SAG: variants seen among roughly 807,000 people sequenced by gnomAD.
The protein encoded by SAG is S-arrestin.
A neutral mutation model predicts 55.0 loss-of-function variants in SAG; 45 were observed. That is an observed-to-expected ratio of 0.82 (90% CI 0.64 to 1.05). SAG has a LOEUF of 1.05. SAG is among the 50% of genes least tolerant of loss of function. SAG has a pLI of 0.00. For synonymous variants in SAG, 189 were observed against 197.4 expected (o/e 0.96, Z 0.36); for missense variants, 455 against 512.1 (o/e 0.89, Z 1.08).
chr2:233,343,728 A>G, intron 14 of SAG: 1 of 1,204,436 alleles, frequency 8.3e-7, no homozygotes, highest in Non-Finnish European at 1.0e-6. Flanking sequence ...AGAAAAACAG[A>G]TCTGTCTAAA....
In SAG at chr2:233,335,050, C is replaced by T. The variant is rs756785453; in HGVS notation, c.895C>T (p.Leu299=). 6.2e-6 allele frequency: 10 copies of T among 1,613,816 alleles called. No homozygotes were observed. The Admixed American group carries it at 1.2e-4, about 19-fold the overall frequency. ...CAATCGAGAAAGGAGAGGCATTGCCCTGGATGGGAAAATCAAGCACGAGGA... is the reference window on the plus strand; with the variant it reads ...CAATCGAGAAAGGAGAGGCATTGCCTTGGATGGGAAAATCAAGCACGAGGA... ...ANNRERRGIA[L]DGKIKHEDTN... Residue 299 remains leucine, a synonymous_variant, in exon 11 of 16, where the codon CTG becomes TTG. Transcript: ENST00000409110.
At chr2:233,334,747 T>A (rs1700868860) in intron 10 of SAG, 2 of 563,328 alleles carry the variant, frequency 3.6e-6, no homozygotes, top group East Asian at 2.9e-5. Flanking sequence ...CTGAGTTGCT[T>A]GAAGAAATAT....
At chr2:233,308,755 C>T (rs1043973716) in intron 1 of SAG, among the ~76,000 whole-genome samples, 1 of 152,074 alleles carries the variant, frequency 6.6e-6, no homozygotes, top group African/African-American at 2.4e-5. Flanking sequence ...ACAGTCTTTG[C>T]GAAGTGGTTA....
intron 5 of SAG, among the ~76,000 whole-genome samples, chr2:233,322,462 A>G (rs752922642): frequency 3.5e-4 from 53 of 152,190 alleles, no homozygotes; most frequent in Non-Finnish European, 6.5e-4. Flanking sequence ...ACAGAACGTG[A>G]TCATCACTTT....
intron 3 of SAG, 78 bp downstream of exon 3, chr2:233,316,213 C>T (rs1700214178): frequency 1.2e-6 from 1 of 820,056 alleles, no homozygotes; most frequent in East Asian, 2.8e-5. Context: ...TTTTTAAAAA[C>T]TGGCCTTGCT....
Position 233,317,387 on chromosome 2 carries a change from G to A in SAG, c.136+1252G>A, listed in dbSNP as rs566268249. ...ATATTGTACTGTAATTATGGCAGATGGAACCATTGGGAGAAACTGGATGAA... is the reference window on the plus strand; with the variant it reads ...ATATTGTACTGTAATTATGGCAGATAGAACCATTGGGAGAAACTGGATGAA... On this transcript the variant is annotated intron_variant, in intron 3 of 15. Transcript: ENST00000409110. Among the ~76,000 whole-genome samples the A allele has an allele frequency of 4.6e-5, 7 of 152,340 alleles. No homozygotes were observed. The South Asian group carries it at 1.4e-3, about 32-fold the overall frequency.
rs138382088 is a variant in SAG, at chr2:233,328,131, A to G, written c.513-347A>G. On this transcript the variant is annotated intron_variant, in intron 7 of 15. Coordinates refer to ENST00000409110, the MANE Select transcript of SAG (RefSeq NM_000541.5). ...AGCTGCAGTAATGGAGCTCGCATGT[A>G]TATGGCAGCTATTCCATGAGGCCCT... 1.9e-3 allele frequency: 406 copies of G among 217,160 alleles called. 1 individual carries two copies. The highest frequency in any genetic ancestry group is 8.0e-3 in the Middle Eastern group (5 of 628). 13.5% of individuals were successfully genotyped at this position (217,160 alleles called of 1,614,324 possible). A position where few individuals can be genotyped will look rare whatever the true frequency, so the allele number is the denominator to read the frequency against.
chr2:233,339,210 A>G (rs538992696), intron 12 of SAG, among the ~76,000 whole-genome samples: 1 of 152,360 alleles, frequency 6.6e-6, no homozygotes, highest in South Asian at 2.1e-4. Context: ...TCTTCTTTTC[A>G]TACAAGAGTG....
chr2:233,318,724 C>T, intron 3 of SAG, 27 bp from the exon 4 acceptor site: 2 of 1,608,996 alleles, frequency 1.2e-6, no homozygotes, highest in Non-Finnish European at 1.7e-6. Flanking sequence ...TCTCCACCCT[C>T]ACTGCTCTCT....
intron 5 of SAG, among the ~76,000 whole-genome samples, chr2:233,322,229 T>C (rs1295112257): frequency 1.3e-5 from 2 of 150,966 alleles, no homozygotes; most frequent in African/African-American, 4.9e-5. Flanking sequence ...TTTCTAGCAG[T>C]TCAGCTTATG....
intron 2 of SAG, among the ~76,000 whole-genome samples, chr2:233,312,714 G>A (rs542312311): frequency 6.6e-6 from 1 of 152,226 alleles, no homozygotes; most frequent in East Asian, 1.9e-4. Flanking sequence ...TCGGGGCCCC[G>A]GGCTTCGTAT....
At chr2:233,313,525 T>TG (rs1351078969) in intron 2 of SAG, among the ~76,000 whole-genome samples, 1 of 151,748 alleles carries the variant, frequency 6.6e-6, no homozygotes, top group Non-Finnish European at 1.5e-5. Context: ...ATTTTTTTTT[T>TG]TTTGAGACAG....
intron 14 of SAG, chr2:233,342,704 G>T: frequency 5.1e-6 from 1 of 197,808 alleles, no homozygotes; most frequent in South Asian, 1.0e-4. Context: ...CATTTCATTT[G>T]GAAACAAAAG....
Position 233,319,440 on chromosome 2 carries a change from A to G in SAG, c.181+645A>G. 2.7e-6 allele frequency: 1 copy of G among 369,238 alleles called. No individual in the cohort carries two copies. The highest frequency in any genetic ancestry group is 3.9e-6 in the Non-Finnish European group (1 of 259,654). 22.9% of individuals were successfully genotyped at this position (369,238 alleles called of 1,614,324 possible). On this transcript the variant is annotated intron_variant, in intron 4 of 15. Transcript: ENST00000409110. The surrounding 1 kb of genome is among the most constrained non-coding windows in gnomAD (Gnocchi z 4.4). ...ATAACAGTTGCATAAACCAAATTAGAACAGATTCCAGCTATCCTTGTGATA... is the reference window on the plus strand; with the variant it reads ...ATAACAGTTGCATAAACCAAATTAGGACAGATTCCAGCTATCCTTGTGATA...
At chr2:233,321,175 A>G (rs1447635922) in intron 5 of SAG, among the ~76,000 whole-genome samples, 1 of 152,202 alleles carries the variant, frequency 6.6e-6, no homozygotes, top group Non-Finnish European at 1.5e-5. Context: ...GGTTCCCTAC[A>G]GGACAGGAGA....
At chr2:233,320,343 A>G (rs921562313) in intron 4 of SAG, among the ~76,000 whole-genome samples, 11 of 152,218 alleles carry the variant, frequency 7.2e-5, no homozygotes, top group Admixed American at 5.9e-4. Flanking sequence ...GGGGGCGGGC[A>G]GGATGGAGGG....
At chr2:233,316,639 C>A (rs1700223623) in intron 3 of SAG, among the ~76,000 whole-genome samples, 1 of 151,970 alleles carries the variant, frequency 6.6e-6, no homozygotes, top group African/African-American at 2.4e-5. Flanking sequence ...TGTGAAGAGA[C>A]AAAGGACTCA....
chr2:233,346,438 C>A, intron 15 of SAG, 26 bp downstream of exon 15: 1 of 1,612,638 alleles, frequency 6.2e-7, no homozygotes, highest in South Asian at 1.1e-5. Context: ...GAATGTGGCC[C>A]TGATTTGTCC....
intron 10 of SAG, chr2:233,332,355 C>T (rs1700792884): frequency 6.5e-6 from 1 of 153,304 alleles, no homozygotes; most frequent in Non-Finnish European, 1.5e-5. Context: ...GAGAGGATAG[C>T]TCGACCAGGT....
Sources: allele counts gnomAD v4.1 joint callset (sites outside exome capture counted in the v4.1 genomes callset), GRCh38; gene constraint gnomAD v4.1.1; non-coding constraint Gnocchi (gnomAD v3.1); transcripts MANE v1.5; gene names NCBI Gene and HGNC (gene_info 2026-07-23, HGNC 2026-07-21).